Variants in PIERCE1 observed in about 807,000 individuals in gnomAD.
PIERCE1 encodes the protein piercer of microtubule wall 1.
chr9:135,495,555 G>A, the PIERCE1 span: 38 of 1,613,958 alleles, frequency 2.4e-5, no homozygotes, highest in Non-Finnish European at 3.0e-5. Flanking sequence ...GTATTGTTCC[G>A]GAACATTCCA....
chr9:135,496,509 C>T, the PIERCE1 span, among the ~76,000 whole-genome samples: 3 of 152,234 alleles, frequency 2.0e-5, no homozygotes, highest in Non-Finnish European at 4.4e-5. Flanking sequence ...TGTTTCATCT[C>T]CTTGGCAAGA....
chr9:135,499,569 G>A, the PIERCE1 span: 1 of 1,172,154 alleles, frequency 8.5e-7, no homozygotes, highest in Non-Finnish European at 1.2e-6. Flanking sequence ...TCACTGGCGG[G>A]CGATGACAGC....
chr9:135,498,787 T>A, the PIERCE1 span: 1 of 848,086 alleles, frequency 1.2e-6, no homozygotes, highest in East Asian at 2.6e-5. This position sits in a 1 kb window ranked among gnomAD's most constrained non-coding sequence, Gnocchi z 4.1. Context: ...ATGCCCGGGC[T>A]GGTGATGTGG....
At chr9:135,497,361 A>T in the PIERCE1 span, among the ~76,000 whole-genome samples, 1 of 149,758 alleles carries the variant, frequency 6.7e-6, no homozygotes, top group Non-Finnish European at 1.5e-5. Flanking sequence ...AACCTAAAAC[A>T]TCTGGACCCA....
chr9:135,499,567 G>T, the PIERCE1 span: 1 of 1,153,278 alleles, frequency 8.7e-7, no homozygotes, highest in Non-Finnish European at 1.3e-6. Flanking sequence ...GCTCACTGGC[G>T]GGCGATGACA....
the PIERCE1 span, chr9:135,499,516 T>TC: frequency 1.3e-6 from 1 of 797,360 alleles, no homozygotes; most frequent in Admixed American, 2.0e-5. Context: ...ACTGCCCTTA[T>TC]CCCCACTTCC....
the PIERCE1 span, chr9:135,499,641 C>A: frequency 1.3e-6 from 2 of 1,564,168 alleles, no homozygotes; most frequent in African/African-American, 2.7e-5. Context: ...GGGGGTCTTG[C>A]GGGGTCTCTC....
At chr9:135,498,695 A>G in the PIERCE1 span, 3 of 1,582,520 alleles carry the variant, frequency 1.9e-6, no homozygotes, top group South Asian at 1.1e-5. The surrounding 1 kb of genome is among the most constrained non-coding windows in gnomAD (Gnocchi z 4.1). Context: ...ATTTTCATTC[A>G]TTTACTCTAA....
At chr9:135,495,554 C>T in the PIERCE1 span, 55 of 1,613,922 alleles carry the variant, frequency 3.4e-5, no homozygotes, top group Admixed American at 2.8e-4. Flanking sequence ...AGTATTGTTC[C>T]GGAACATTCC....
chr9:135,499,610 G>A, the PIERCE1 span: 1 of 1,471,466 alleles, frequency 6.8e-7, no homozygotes, highest in Non-Finnish European at 9.3e-7. Context: ...CGATCTTCTT[G>A]ATTTCTGTAG....
At chr9:135,497,702 G>A in the PIERCE1 span, among the ~76,000 whole-genome samples, 1 of 152,212 alleles carries the variant, frequency 6.6e-6, no homozygotes, top group Non-Finnish European at 1.5e-5. Flanking sequence ...TGGGATTACA[G>A]GCGTGAGCCA....
chr9:135,495,480 G>T, the PIERCE1 span: 18 of 1,614,004 alleles, frequency 1.1e-5, no homozygotes, highest in Non-Finnish European at 1.5e-5. Context: ...AAGTTGAGCC[G>T]GTCACAGGAG....
chr9:135,497,705 G>C, the PIERCE1 span, among the ~76,000 whole-genome samples: 1 of 152,174 alleles, frequency 6.6e-6, no homozygotes, highest in Admixed American at 6.5e-5. Context: ...GATTACAGGC[G>C]TGAGCCACCG....
the PIERCE1 span, chr9:135,499,850 A>T: frequency 3.9e-5 from 62 of 1,575,206 alleles, no homozygotes; most frequent in Non-Finnish European, 4.7e-5. Flanking sequence ...TTCCTCAGCC[A>T]TTGTGCCTGG....
At chr9:135,497,707 G>A in the PIERCE1 span, among the ~76,000 whole-genome samples, 3 of 152,196 alleles carry the variant, frequency 2.0e-5, no homozygotes, top group Non-Finnish European at 4.4e-5. Context: ...TTACAGGCGT[G>A]AGCCACCGCA....
At chr9:135,495,547 A>G in the PIERCE1 span, 12 of 1,614,164 alleles carry the variant, frequency 7.4e-6, no homozygotes, top group Middle Eastern at 1.6e-4. Context: ...CATTGAGAGT[A>G]TTGTTCCGGA....
the PIERCE1 span, chr9:135,498,734 G>T: frequency 7.0e-7 from 1 of 1,418,748 alleles, no homozygotes; most frequent in Non-Finnish European, 1.0e-6. The surrounding 1 kb of genome is among the most constrained non-coding windows in gnomAD (Gnocchi z 4.1). Context: ...CTTGTATTTG[G>T]TTGACGGCAC....
chr9:135,498,835 C>A, the PIERCE1 span: 22 of 635,202 alleles, frequency 3.5e-5, no homozygotes, highest in Non-Finnish European at 5.9e-5. The surrounding 1 kb of genome is among the most constrained non-coding windows in gnomAD (Gnocchi z 4.1). Context: ...GGCTGATGAC[C>A]GTTCTGAATG....
chr9:135,499,246 C>T, the PIERCE1 span, among the ~76,000 whole-genome samples: 1 of 152,388 alleles, frequency 6.6e-6, no homozygotes, highest in East Asian at 1.9e-4. Context: ...CCCTAGAGGA[C>T]TGTTGAGGGA....
Sources: allele counts gnomAD v4.1 joint callset (sites outside exome capture counted in the v4.1 genomes callset), GRCh38; gene constraint gnomAD v4.1.1; non-coding constraint Gnocchi (gnomAD v3.1); transcripts MANE v1.5; gene names NCBI Gene and HGNC (gene_info 2026-07-23, HGNC 2026-07-21).